Variants in ATP10B observed in about 807,000 individuals in gnomAD.
The protein encoded by ATP10B is ATPase phospholipid transporting 10B (putative).
Under a neutral mutation model 141.2 loss-of-function variants are expected in ATP10B, and 122 were observed. The observed-to-expected ratio is 0.86, with a 90% CI of 0.75 to 1.00. The LOEUF (loss-of-function observed/expected upper bound fraction) is 1.00. Among genes scored for constraint, ATP10B ranks in the 50% least tolerant of loss-of-function variants. The pLI, the probability that ATP10B is intolerant of heterozygous loss-of-function variation, is 0.00. For synonymous variants in ATP10B, 685 were observed against 692.0 expected (o/e 0.99, Z 0.16); for missense variants, 1,876 against 1,825.3 (o/e 1.03, Z -0.51).
At chr5:160,767,745 T>C (rs1039869624) in intron 2 of ATP10B, among the ~76,000 whole-genome samples, 5 of 151,336 alleles carry the variant, frequency 3.3e-5, no homozygotes, top group East Asian at 3.9e-4. Flanking sequence ...AGTTTAATCC[T>C]GGATTCTTGC....
intron 7 of ATP10B, among the ~76,000 whole-genome samples, chr5:160,656,578 A>G (rs1022966530): frequency 1.3e-5 from 2 of 152,222 alleles, no homozygotes; most frequent in Non-Finnish European, 2.9e-5. Flanking sequence ...GGAATTATTG[A>G]GATTAATAAA....
intron 10 of ATP10B, among the ~76,000 whole-genome samples, chr5:160,637,771 A>C (rs1282922285): frequency 6.6e-6 from 1 of 152,258 alleles, no homozygotes; most frequent in Non-Finnish European, 1.5e-5. Flanking sequence ...AATAAAAGGC[A>C]TAGAGGATGT....
At chr5:160,709,593 A>C (rs917822475) in intron 3 of ATP10B, among the ~76,000 whole-genome samples, 1 of 131,134 alleles carries the variant, frequency 7.6e-6, no homozygotes, top group Non-Finnish European at 1.7e-5. Flanking sequence ...TTCATAAACA[A>C]ATTTTTTTTT....
intron 2 of ATP10B, among the ~76,000 whole-genome samples, chr5:160,728,205 C>CGTCT (rs905798144): frequency 1.3e-5 from 2 of 152,034 alleles, no homozygotes; most frequent in African/African-American, 4.8e-5. Flanking sequence ...TACTGCCTAC[C>CGTCT]GTCTCTTCTT....
At chr5:160,769,354 G>A (rs778982136) in intron 2 of ATP10B, among the ~76,000 whole-genome samples, 1 of 152,174 alleles carries the variant, frequency 6.6e-6, no homozygotes, top group African/African-American at 2.4e-5. Context: ...AGGATACCTG[G>A]AATTGGGACG....
At chr5:160,649,096 TG>T (rs1210351075) in intron 8 of ATP10B, 74 bp downstream of exon 8, 35 of 1,059,998 alleles carry the variant, frequency 3.3e-5, no homozygotes, top group Non-Finnish European at 2.9e-6. Flanking sequence ...CTTATTTGTT[TG>T]GTCATTTCTA....
intron 2 of ATP10B, among the ~76,000 whole-genome samples, chr5:160,759,178 G>C (rs1768850895): frequency 6.6e-6 from 1 of 152,136 alleles, no homozygotes; most frequent in Admixed American, 6.5e-5. Context: ...CATTTTCTCT[G>C]AATTTGCCTT....
chr5:160,756,469 C>T (rs1428394565), intron 2 of ATP10B, among the ~76,000 whole-genome samples: 1 of 152,166 alleles, frequency 6.6e-6, no homozygotes, highest in Non-Finnish European at 1.5e-5. Context: ...AAAGTGATTT[C>T]ACCATTTTGC....
At chr5:160,707,155 T>C (rs1487988528) in intron 3 of ATP10B, among the ~76,000 whole-genome samples, 2 of 152,096 alleles carry the variant, frequency 1.3e-5, no homozygotes, top group Non-Finnish European at 2.9e-5. Context: ...TTCACCATGT[T>C]GGCCAGGCTG....
intron 2 of ATP10B, among the ~76,000 whole-genome samples, chr5:160,757,099 A>G (rs4415113): frequency 0.14 from 20,681 of 152,166 alleles, 1,477 homozygotes; most frequent in Admixed American, 0.23. Flanking sequence ...TTTATGATCC[A>G]TTTTGATTTA....
chr5:160,588,390 G>A (rs1014405155), intron 24 of ATP10B, among the ~76,000 whole-genome samples: 1 of 152,102 alleles, frequency 6.6e-6, no homozygotes. Context: ...GCTTGTGATA[G>A]TGGTGGTGGG....
At chr5:160,753,503 C>T (rs1298317702) in intron 2 of ATP10B, among the ~76,000 whole-genome samples, 1 of 152,176 alleles carries the variant, frequency 6.6e-6, no homozygotes, top group Non-Finnish European at 1.5e-5. Flanking sequence ...TCTCTATTTG[C>T]TTTGCTGAGC....
chr5:160,847,915 C>T (rs1776224303), intron 1 of ATP10B, among the ~76,000 whole-genome samples: 1 of 152,060 alleles, frequency 6.6e-6, no homozygotes, highest in Non-Finnish European at 1.5e-5. Context: ...ATGAAATTAC[C>T]TTTGAGCTCT....
In ATP10B at chr5:160,564,005, T is replaced by A. The variant is rs1754401834; in HGVS notation, c.*1448A>T. On this transcript the variant is annotated 3_prime_UTR_variant, in exon 26 of 26. Coordinates refer to ENST00000327245, the MANE Select transcript of ATP10B (RefSeq NM_025153.3). Reference sequence around the variant, plus strand: ...TTCCAGTCCAGGTTTGCCAGGAAGATGGTCAGAGGGCCAGCTCCCTGTGTC... The same window carrying A: ...TTCCAGTCCAGGTTTGCCAGGAAGAAGGTCAGAGGGCCAGCTCCCTGTGTC... The A allele has an allele frequency of 6.6e-6, 1 of 152,202 alleles. No individual in the cohort carries two copies. Among genetic ancestry groups the A allele is most frequent in the South Asian group, 2.1e-4 (1 of 4,828 alleles). 9.4% of individuals were successfully genotyped at this position (152,202 alleles called of 1,614,324 possible). A position where few individuals can be genotyped will look rare whatever the true frequency, so the allele number is the denominator to read the frequency against.
chr5:160,843,543 A>G (rs10038388), intron 1 of ATP10B, among the ~76,000 whole-genome samples: 19,949 of 151,980 alleles, frequency 0.13, 1,393 homozygotes, highest in African/African-American at 0.16. Context: ...TTCCAATTCA[A>G]AGAGCACTTA....
At chr5:160,840,516 G>A (rs1270224699) in intron 1 of ATP10B, among the ~76,000 whole-genome samples, 1 of 151,942 alleles carries the variant, frequency 6.6e-6, no homozygotes, top group Non-Finnish European at 1.5e-5. Context: ...TTCACAAATA[G>A]AAAAACAGAT....
the ATP10B span, among the ~76,000 whole-genome samples, chr5:160,865,187 T>C: frequency 1.3e-5 from 2 of 152,072 alleles, no homozygotes; most frequent in Non-Finnish European, 2.9e-5. Context: ...TATAAGGCTA[T>C]AGTTACCAAA....
rs1408681513 is a variant in ATP10B at position 160,569,649 on chromosome 5, A to G, written c.3785T>C (p.Phe1262Ser). 6.2e-7 allele frequency: 1 copy of G among 1,601,602 alleles called. No individual in the cohort carries two copies. Among genetic ancestry groups the G allele is most frequent in the East Asian group, 2.3e-5 (1 of 44,150 alleles). The change falls in exon 25 of 26, where the codon TTC (phenylalanine) becomes TCC (serine). Residue 1262 changes from phenylalanine (F) to serine (S), a missense_variant. By Grantham distance (155) the Phe-to-Ser change is radical (BLOSUM62 -2). Coordinates refer to ENST00000327245, the MANE Select transcript of ATP10B (RefSeq NM_025153.3). ...GAGGGATACCAGAAAGTACATCAGG[A>G]AGCTGCCGAGGAGCACGACTCCGTG... is the stretch of plus-strand genomic sequence containing the variant. ...IFHGVVLLGS[F>S]LMYFLVSLLY...
chr5:160,847,086 G>A (rs941948686), intron 1 of ATP10B, among the ~76,000 whole-genome samples: 1 of 152,136 alleles, frequency 6.6e-6, no homozygotes, highest in Non-Finnish European at 1.5e-5. Flanking sequence ...TCAGTTTATA[G>A]ATAAGGAGAC....
Sources: gnomAD v4.1 joint callset for allele counts (sites outside exome capture counted in the v4.1 genomes callset) on GRCh38, gnomAD v4.1.1 for gene constraint, MANE v1.5 for transcripts, NCBI Gene and HGNC (gene_info 2026-07-23, HGNC 2026-07-21) for gene names.